Variants in DCDC2 observed in about 807,000 individuals in gnomAD.
DCDC2 encodes the protein doublecortin domain containing 2, also known as doublecortin domain-containing protein 2.
A neutral mutation model predicts 50.2 loss-of-function variants in DCDC2; 40 were observed. The ratio of observed to expected loss-of-function variants is 0.80; its 90% CI spans 0.62 to 1.04. The LOEUF is 1.04. Among genes scored for constraint, DCDC2 ranks in the 50% least tolerant of loss-of-function variants. The pLI is 0.00. For missense variants in DCDC2, 570 were observed against 581.9 expected, an observed-to-expected ratio of 0.98 and a Z score of 0.21; for synonymous variants, 234 against 210.6, an observed-to-expected ratio of 1.11 and a Z score of -0.96.
intron 7 of DCDC2, among the ~76,000 whole-genome samples, chr6:24,205,518 T>A (rs891272105): frequency 6.6e-6 from 1 of 152,100 alleles, no homozygotes; most frequent in Non-Finnish European, 1.5e-5. Flanking sequence ...GAGAATGCTA[T>A]GCATTCAATA....
rs367609076 is a variant in DCDC2 at position 24,174,681 on chromosome 6, T to C, written c.*49A>G. ...CTATGTGCTTATCTTTCAAGTATGA[T>C]AACCCTTCATTTTTCTTGCGATCCA... On this transcript the variant is annotated 3_prime_UTR_variant, in exon 10 of 10. Coordinates refer to ENST00000378454, the MANE Select transcript of DCDC2 (RefSeq NM_016356.5). 103 of 1,296,740 alleles carry C rather than the reference T, an allele frequency of 7.9e-5. No homozygotes were observed. The African/African-American group carries it at 1.3e-3, about 17-fold the overall frequency. The allele number at this position is 1,296,740 out of a possible 1,614,324, so 80.3% of individuals were successfully genotyped here.
At chr6:24,267,072 T>C (rs988731270) in intron 7 of DCDC2, among the ~76,000 whole-genome samples, 1 of 152,224 alleles carries the variant, frequency 6.6e-6, no homozygotes, top group African/African-American at 2.4e-5. Flanking sequence ...AAACTTTGCA[T>C]GTTCTCATTC....
At chr6:24,284,948 T>A (rs1763562803) in intron 6 of DCDC2, among the ~76,000 whole-genome samples, 1 of 152,152 alleles carries the variant, frequency 6.6e-6, no homozygotes, top group South Asian at 2.1e-4. Context: ...ATTTTCCCCA[T>A]AGCATTTATC....
intron 2 of DCDC2, among the ~76,000 whole-genome samples, chr6:24,327,027 C>T (rs919668902): frequency 1.5e-4 from 23 of 149,452 alleles, no homozygotes; most frequent in African/African-American, 5.6e-4. Context: ...CAGCTCAGCA[C>T]CTGGCAAATT....
chr6:24,360,368 G>A (rs1760646568), upstream of DCDC2, among the ~76,000 whole-genome samples: 1 of 152,188 alleles, frequency 6.6e-6, no homozygotes, highest in Non-Finnish European at 1.5e-5. Context: ...GCTAGTTGGG[G>A]CCACGGCGGT....
intron 8 of DCDC2, among the ~76,000 whole-genome samples, chr6:24,182,808 C>T (rs1420566914): frequency 6.6e-6 from 1 of 151,988 alleles, no homozygotes; most frequent in Non-Finnish European, 1.5e-5. Flanking sequence ...TGGGTAAATA[C>T]CCAAAAGAAC....
chr6:24,343,719 A>G (rs1760202922), intron 2 of DCDC2, among the ~76,000 whole-genome samples: 1 of 152,216 alleles, frequency 6.6e-6, no homozygotes, highest in South Asian at 2.1e-4. Flanking sequence ...TATAAGAACA[A>G]GCTCCTCTCA....
rs1760812511 is a variant in DCDC2 at position 24,172,815 on chromosome 6, G to GA, written c.*1914dup. ...TTGAGACCAGCCTGGCCAACATGGT[G>GA]AAACATCTGTCTCTACAAAAAATAC... On this transcript the variant is annotated 3_prime_UTR_variant, in exon 10 of 10. Coordinates refer to ENST00000378454, the MANE Select transcript of DCDC2 (RefSeq NM_016356.5). 6.6e-6 allele frequency: 1 copy of GA among 151,882 alleles called. No individual in the cohort carries two copies. The highest frequency in any genetic ancestry group is 1.5e-5 in the Non-Finnish European group (1 of 67,974). 9.4% of individuals were successfully genotyped at this position (151,882 alleles called of 1,614,324 possible).
At chr6:24,237,346 A>G (rs1157974887) in intron 7 of DCDC2, among the ~76,000 whole-genome samples, 2 of 152,234 alleles carry the variant, frequency 1.3e-5, no homozygotes, top group Non-Finnish European at 1.5e-5. Context: ...ACAAACCTGC[A>G]CATGTACCCT....
rs372854868 is a variant in DCDC2 at position 24,348,864 on chromosome 6, C to T, written c.348+4705G>A. On this transcript the variant is annotated intron_variant, in intron 2 of 9. Transcript: ENST00000378454. ...TCCTACACGCTGAACTCCCAAAGAG[C>T]AAGAGCAGTGAAGTATCCATTTTAT... Among the ~76,000 whole-genome samples, 3 of 152,216 alleles carry T rather than the reference C, an allele frequency of 2.0e-5. No homozygotes were observed. The East Asian group carries it at 5.8e-4, about 29-fold the overall frequency.
At chr6:24,297,915 T>G (rs1285898168) in intron 4 of DCDC2, among the ~76,000 whole-genome samples, 1 of 152,172 alleles carries the variant, frequency 6.6e-6, no homozygotes, top group East Asian at 1.9e-4. Flanking sequence ...TTAAGATATT[T>G]GTATGAAAAA....
intron 2 of DCDC2, among the ~76,000 whole-genome samples, chr6:24,306,886 G>C (rs992771468): frequency 6.6e-6 from 1 of 152,154 alleles, no homozygotes; most frequent in South Asian, 2.1e-4. Context: ...AAAGCTGGAT[G>C]AATCTGTTTG....
At chr6:24,178,905 A>G (rs780889501) in intron 8 of DCDC2, among the ~76,000 whole-genome samples, 2 of 152,170 alleles carry the variant, frequency 1.3e-5, no homozygotes, top group African/African-American at 4.8e-5. Flanking sequence ...GGAGCCCAAG[A>G]TCCCACAGAA....
At chr6:24,200,724 A>G (rs1259926491) in intron 8 of DCDC2, among the ~76,000 whole-genome samples, 2 of 152,116 alleles carry the variant, frequency 1.3e-5, no homozygotes, top group African/African-American at 4.8e-5. Flanking sequence ...AAGAGTCAAG[A>G]CCCATCGGTG....
At chr6:24,290,803 TATA>T in intron 5 of DCDC2, 126 bp downstream of exon 5, 1 of 799,102 alleles carries the variant, frequency 1.3e-6, no homozygotes, top group Non-Finnish European at 1.9e-6. Context: ...ATGTATACCA[TATA>T]TGCTTTCCAT....
chr6:24,371,526 T>C, the DCDC2 span, among the ~76,000 whole-genome samples: 1 of 151,980 alleles, frequency 6.6e-6, no homozygotes, highest in Non-Finnish European at 1.5e-5. Flanking sequence ...GAGGCTCACT[T>C]GAGACTGGGA....
rs813227 is a variant in DCDC2, at chr6:24,353,514, A to G, written c.348+55T>C. On this transcript the variant is annotated intron_variant, in intron 2 of 9. Transcript: ENST00000378454. ...CGTCCAAATCTCTAAGACACACCAT[A>G]AGAAACAAATGGCACCGTTATTTAT... 0.51 allele frequency: 574,440 copies of G among 1,126,918 alleles called. 150,171 individuals are homozygous for G. The highest frequency in any genetic ancestry group is 0.54 in the Non-Finnish European group (414,537 of 762,076). The allele number at this position is 1,126,918 out of a possible 1,614,324, so 69.8% of individuals were successfully genotyped here. A position where few individuals can be genotyped will look rare whatever the true frequency, so the allele number is the denominator to read the frequency against.
rs373836267 is a variant in DCDC2 at position 24,320,507 on chromosome 6, T to C, written c.349-18463A>G. On this transcript the variant is annotated intron_variant, in intron 2 of 9. Transcript: ENST00000378454. ...CCACCACAACTGGCTAATTTTTGTATTTTTAGTAGAGACAGGGTTTCACCA... is the reference window on the plus strand; with the variant it reads ...CCACCACAACTGGCTAATTTTTGTACTTTTAGTAGAGACAGGGTTTCACCA... 5.2e-4 allele frequency among the ~76,000 whole-genome samples: 79 copies of C among 152,240 alleles called. 1 individual carries two copies. Among genetic ancestry groups the C allele is most frequent in the Middle Eastern group, 3.4e-3 (1 of 294 alleles).
chr6:24,178,749 A>T (rs1561878987), intron 8 of DCDC2, 117 bp from the exon 9 acceptor site: 1 of 1,063,412 alleles, frequency 9.4e-7, no homozygotes, highest in East Asian at 2.4e-5. Flanking sequence ...TTACATTTGC[A>T]TAGTACTTTA....
Sources: allele counts gnomAD v4.1 joint callset (sites outside exome capture counted in the v4.1 genomes callset), GRCh38; gene constraint gnomAD v4.1.1; transcripts MANE v1.5; gene names NCBI Gene and HGNC (gene_info 2026-07-23, HGNC 2026-07-21).